The following SLX4IP variants were observed in gnomAD, a reference collection of about 807,000 sequenced individuals.
SLX4IP encodes SLX4 interacting protein, also known as protein SLX4IP.
Under a neutral mutation model 32.9 loss-of-function variants are expected in SLX4IP, and 34 were observed. The ratio of observed to expected loss-of-function variants is 1.03; its 90% CI spans 0.79 to 1.38. The LOEUF is 1.38. SLX4IP is among the 40% of genes most tolerant of loss of function. The pLI, the probability that SLX4IP is intolerant of heterozygous loss-of-function variation, is 0.00. For synonymous variants in SLX4IP, 172 were observed against 171.7 expected (o/e 1.00, Z -0.01); for missense variants, 444 against 479.0 (o/e 0.93, Z 0.68).
intron 4 of SLX4IP, among the ~76,000 whole-genome samples, chr20:10,586,785 C>T (rs1203096410): frequency 6.6e-6 from 1 of 151,854 alleles, no homozygotes; most frequent in African/African-American, 2.4e-5. Context: ...AACTTCGTGC[C>T]AATAAATTTG....
chr20:10,452,976 C>G (rs1444360054), intron 1 of SLX4IP, among the ~76,000 whole-genome samples: 1 of 151,992 alleles, frequency 6.6e-6, no homozygotes, highest in Non-Finnish European at 1.5e-5. Context: ...ATTGTTTTTA[C>G]TGGTCTGCTT....
intron 5 of SLX4IP, among the ~76,000 whole-genome samples, chr20:10,600,963 G>A (rs975899788): frequency 2.6e-5 from 4 of 152,112 alleles, no homozygotes; most frequent in African/African-American, 9.7e-5. Context: ...GGAGGCTGGC[G>A]AACAAATGGA....
chr20:10,601,696 A>G (rs1163486090), intron 5 of SLX4IP, 35 bp from the exon 6 acceptor site: 2 of 1,572,392 alleles, frequency 1.3e-6, no homozygotes, highest in Admixed American at 1.7e-5. Context: ...TAGTTTTTTG[A>G]CACCTTTAAA....
chr20:10,616,959 G>A (rs1345520888), intron 6 of SLX4IP, among the ~76,000 whole-genome samples: 9 of 152,264 alleles, frequency 5.9e-5, no homozygotes, highest in East Asian at 1.9e-4. Context: ...TTACTCTGTC[G>A]GATTCTGCTC....
intron 2 of SLX4IP, among the ~76,000 whole-genome samples, chr20:10,551,475 C>T (rs760446309): frequency 2.0e-5 from 3 of 152,088 alleles, no homozygotes; most frequent in Non-Finnish European, 4.4e-5. Flanking sequence ...CTTGTTCTGT[C>T]ATTTGTTTTT....
chr20:10,494,444 A>G (rs545231002), intron 2 of SLX4IP, among the ~76,000 whole-genome samples: 1 of 150,746 alleles, frequency 6.6e-6, no homozygotes, highest in Non-Finnish European at 1.5e-5. Context: ...AATGCTTTTG[A>G]GTCTGTTATT....
chr20:10,472,083 G>T (rs1204928567), intron 2 of SLX4IP, among the ~76,000 whole-genome samples: 1 of 152,186 alleles, frequency 6.6e-6, no homozygotes, highest in African/African-American at 2.4e-5. Flanking sequence ...CGTACCTCCA[G>T]AGGAGGGAAG....
chr20:10,536,315 C>T (rs2066043509), intron 2 of SLX4IP, among the ~76,000 whole-genome samples: 4 of 151,414 alleles, frequency 2.6e-5, no homozygotes, highest in African/African-American at 2.4e-5. Flanking sequence ...ATCGCTTGAG[C>T]CCAGGAATTT....
chr20:10,441,424 G>A (rs1033765923), intron 1 of SLX4IP, among the ~76,000 whole-genome samples: 2 of 152,084 alleles, frequency 1.3e-5, no homozygotes, highest in South Asian at 2.1e-4. Flanking sequence ...GCAACAGACC[G>A]AGACCCTGTC....
At chr20:10,509,084 G>A (rs1166678333) in intron 2 of SLX4IP, among the ~76,000 whole-genome samples, 2 of 152,144 alleles carry the variant, frequency 1.3e-5, no homozygotes, top group Non-Finnish European at 1.5e-5. Context: ...CTCCCACTCC[G>A]AGTCAGGGTG....
chr20:10,458,064 A>G, intron 1 of SLX4IP, 112 bp from the exon 2 acceptor site: 2 of 559,200 alleles, frequency 3.6e-6, no homozygotes, highest in Admixed American at 3.7e-5. Context: ...GTGAACATTC[A>G]TCTCATAAAT....
intron 2 of SLX4IP, among the ~76,000 whole-genome samples, chr20:10,522,022 A>T (rs1389569246): frequency 1.4e-5 from 2 of 145,720 alleles, no homozygotes; most frequent in Non-Finnish European, 3.0e-5. Context: ...TCAGCATCAC[A>T]TAGAGACATC....
At chr20:10,568,208 G>A (rs1467175682) in intron 4 of SLX4IP, among the ~76,000 whole-genome samples, 2 of 152,336 alleles carry the variant, frequency 1.3e-5, no homozygotes, top group African/African-American at 2.4e-5. Context: ...ACCTTGTGCT[G>A]TGTAAGTCCT....
chr20:10,580,115 T>C (rs2066566845), intron 4 of SLX4IP, among the ~76,000 whole-genome samples: 1 of 152,206 alleles, frequency 6.6e-6, no homozygotes. Context: ...AGAAAAACTG[T>C]GGTGAGTCAC....
chr20:10,588,025 A>G (rs1442429559), intron 4 of SLX4IP, among the ~76,000 whole-genome samples: 3 of 152,264 alleles, frequency 2.0e-5, no homozygotes, highest in East Asian at 3.9e-4. Context: ...GAAACAATCA[A>G]CAAAATGAAA....
At chr20:10,446,287 C>CTGTAA (rs978377342) in intron 1 of SLX4IP, among the ~76,000 whole-genome samples, 3 of 151,768 alleles carry the variant, frequency 2.0e-5, no homozygotes, top group African/African-American at 7.3e-5. Flanking sequence ...TGGCAGGCAC[C>CTGTAA]TGTAATCCCA....
chr20:10,621,303 T>C lies in SLX4IP; in HGVS notation c.406-11T>C, dbSNP rs754876914. 12 of 1,612,962 alleles carry C rather than the reference T, an allele frequency of 7.4e-6. No individual in the cohort carries two copies. The highest frequency in any genetic ancestry group is 1.0e-5 in the Non-Finnish European group (12 of 1,179,012). On this transcript the variant is annotated splice_polypyrimidine_tract_variant and intron_variant, in intron 6 of 7. Transcript: ENST00000334534. Reference sequence around the variant, plus strand: ...GATTTCTGGTTGAACCTTTGTTATCTTTTGGAGTAGACAGAAAGAGTTCTC... The same window carrying C: ...GATTTCTGGTTGAACCTTTGTTATCCTTTGGAGTAGACAGAAAGAGTTCTC...
chr20:10,619,787 G>C (rs776484916), intron 6 of SLX4IP, among the ~76,000 whole-genome samples: 3 of 151,968 alleles, frequency 2.0e-5, no homozygotes, highest in Admixed American at 6.6e-5. Flanking sequence ...GATTCCTCTC[G>C]ATCTCTCTCT....
rs1230462335 is a variant in SLX4IP at position 10,626,246 on chromosome 20, G to C, written c.*2867G>C. ...AAACGGGTTTTCACCGTGTTGGCCA[G>C]GGTGGTCTCGATCTCCTGACTCGTG... On this transcript the variant is annotated 3_prime_UTR_variant, in exon 8 of 8. Transcript: ENST00000334534. 7.1e-6 allele frequency: 1 copy of C among 141,210 alleles called. No individual in the cohort carries two copies. The highest frequency in any genetic ancestry group is 2.6e-5 in the African/African-American group (1 of 38,094). 8.7% of individuals were successfully genotyped at this position (141,210 alleles called of 1,614,324 possible). A position where few individuals can be genotyped will look rare whatever the true frequency, so the allele number is the denominator to read the frequency against.
Sources: gnomAD v4.1 joint callset for allele counts (sites outside exome capture counted in the v4.1 genomes callset) on GRCh38, gnomAD v4.1.1 for gene constraint, MANE v1.5 for transcripts, NCBI Gene and HGNC (gene_info 2026-07-23, HGNC 2026-07-21) for gene names.